The following FIGN variants were observed in gnomAD, a reference collection of about 807,000 sequenced individuals.
FIGN encodes the protein fidgetin, microtubule severing factor, also known as fidgetin.
FIGN carries 11 observed loss-of-function variants against 51.3 expected under a neutral mutation model. The observed-to-expected ratio is 0.21, with a 90% CI of 0.13 to 0.35. The LOEUF (loss-of-function observed/expected upper bound fraction) is 0.35, where lower values mean the gene tolerates loss of function less well. Among genes scored for constraint, FIGN ranks in the 10% least tolerant of loss-of-function variants. The pLI, the probability that FIGN is intolerant of heterozygous loss-of-function variation, is 1.00. For synonymous variants in FIGN, 407 were observed against 363.2 expected (o/e 1.12, Z -1.37); for missense variants, 857 against 943.6 (o/e 0.91, Z 1.20).
intron 2 of FIGN, among the ~76,000 whole-genome samples, chr2:163,653,860 CTT>C (rs1683517208): frequency 6.6e-6 from 1 of 152,006 alleles, no homozygotes; most frequent in Non-Finnish European, 1.5e-5. Flanking sequence ...TTTAGAGACA[CTT>C]AAAAATTTTT....
intron 2 of FIGN, among the ~76,000 whole-genome samples, chr2:163,641,695 A>AGCAAATGCCATG (rs565841926): frequency 6.6e-6 from 1 of 152,206 alleles, no homozygotes; most frequent in Non-Finnish European, 1.5e-5. Flanking sequence ...TTGCAATGGC[A>AGCAAATGCCATG]GCAAATGCCA....
At chr2:163,713,477 G>A (rs1043121660) in intron 2 of FIGN, among the ~76,000 whole-genome samples, 1 of 151,884 alleles carries the variant, frequency 6.6e-6, no homozygotes. Flanking sequence ...CACAGAGCCT[G>A]CCTCTGGTTA....
In FIGN at chr2:163,611,541, T is replaced by G. The variant is rs377003751; in HGVS notation, c.291A>C (p.Gly97=). 1.2e-5 allele frequency: 20 copies of G among 1,614,102 alleles called. No homozygotes were observed. The African/African-American group carries it at 2.7e-4, about 22-fold the overall frequency. ...TTTCATTTTTCCGACCGTTCACTAGTCCTGATGGTGTGTCCGAATAGTTGC... is the reference window on the plus strand; with the variant it reads ...TTTCATTTTTCCGACCGTTCACTAGGCCTGATGGTGTGTCCGAATAGTTGC... The part of the protein sequence containing the change: ...VLSNYSDTPS[G]LVNGRKNESE... Residue 97 remains glycine, a synonymous_variant, in exon 3 of 3, where the codon GGA becomes GGC. Coordinates refer to ENST00000333129, the MANE Select transcript of FIGN (RefSeq NM_018086.4).
intron 2 of FIGN, among the ~76,000 whole-genome samples, chr2:163,732,508 A>G (rs901822773): frequency 6.6e-6 from 1 of 152,178 alleles, no homozygotes; most frequent in Admixed American, 6.5e-5. Flanking sequence ...CCTTTTGAAC[A>G]ATCTGTGTTC....
intron 2 of FIGN, among the ~76,000 whole-genome samples, chr2:163,657,542 G>A (rs1217846106): frequency 6.7e-6 from 1 of 149,898 alleles, no homozygotes; most frequent in East Asian, 2.0e-4. Context: ...GCATGCACAT[G>A]AGTATGTTTG....
At position 163,609,018 on chromosome 2, in the gene FIGN, A is replaced by G. The variant is rs1691169326; in HGVS notation, c.*534T>C. On this transcript the variant is annotated 3_prime_UTR_variant, in exon 3 of 3. Transcript: ENST00000333129. ...CCCTGTTTTACCTGTTCTTAGCTTAATACTGCAGAACAGACAGGATTGAGG... is the reference window on the plus strand; with the variant it reads ...CCCTGTTTTACCTGTTCTTAGCTTAGTACTGCAGAACAGACAGGATTGAGG... 1 of 153,642 alleles carries G rather than the reference A, an allele frequency of 6.5e-6. No individual in the cohort carries two copies. The highest frequency in any genetic ancestry group is 1.5e-5 in the Non-Finnish European group (1 of 68,758). 9.5% of individuals were successfully genotyped at this position (153,642 alleles called of 1,614,324 possible). A position where few individuals can be genotyped will look rare whatever the true frequency, so the allele number is the denominator to read the frequency against.
chr2:163,615,299 T>C (rs897817256), intron 2 of FIGN, among the ~76,000 whole-genome samples: 2 of 152,192 alleles, frequency 1.3e-5, no homozygotes, highest in Non-Finnish European at 2.9e-5. Flanking sequence ...AAATCATTAA[T>C]GTTATTTAAA....
At chr2:163,652,361 A>ACAC (rs776188112) in intron 2 of FIGN, among the ~76,000 whole-genome samples, 5,822 of 139,356 alleles carry the variant, frequency 0.042, 238 homozygotes, top group East Asian at 0.1. Flanking sequence ...CACACACACA[A>ACAC]ACACACACAC....
At chr2:163,685,132 T>C (rs1684127483) in intron 2 of FIGN, among the ~76,000 whole-genome samples, 1 of 152,130 alleles carries the variant, frequency 6.6e-6, no homozygotes, top group East Asian at 1.9e-4. Context: ...AGAAGAGTCA[T>C]ATTTCCTATT....
intron 2 of FIGN, among the ~76,000 whole-genome samples, chr2:163,688,155 A>G (rs540638785): frequency 1.3e-5 from 2 of 152,330 alleles, no homozygotes; most frequent in Admixed American, 1.3e-4. Context: ...GAAGAATTTT[A>G]AAACTAATGT....
chr2:163,612,336 A>G (rs1233888180), intron 2 of FIGN: 2 of 985,258 alleles, frequency 2.0e-6, no homozygotes, highest in African/African-American at 3.5e-5. Context: ...TACCTCTCTT[A>G]TTTGGTACTG....
At chr2:163,730,534 G>C (rs1027782031) in intron 2 of FIGN, among the ~76,000 whole-genome samples, 2 of 151,204 alleles carry the variant, frequency 1.3e-5, no homozygotes, top group Non-Finnish European at 2.9e-5. Flanking sequence ...GTGTGTGTGT[G>C]TGTGAATTGA....
At chr2:163,660,716 CATAT>C (rs1412189310) in intron 2 of FIGN, among the ~76,000 whole-genome samples, 1 of 62,974 alleles carries the variant, frequency 1.6e-5, no homozygotes, top group African/African-American at 4.0e-5. Flanking sequence ...TACACATATA[CATAT>C]ATATGTATAC....
intron 2 of FIGN, among the ~76,000 whole-genome samples, chr2:163,733,239 G>A (rs933195834): frequency 1.9e-4 from 29 of 152,032 alleles, no homozygotes; most frequent in South Asian, 4.1e-4. Flanking sequence ...ACTTAAGAGG[G>A]GGGCAATTTA....
intron 2 of FIGN, among the ~76,000 whole-genome samples, chr2:163,655,987 T>C (rs2105324342): frequency 6.6e-6 from 1 of 152,306 alleles, no homozygotes; most frequent in East Asian, 1.9e-4. Context: ...ATTTTAGCAA[T>C]GTCAAGTTAC....
At chr2:163,623,286 T>G (rs1318920499) in intron 2 of FIGN, among the ~76,000 whole-genome samples, 1 of 152,208 alleles carries the variant, frequency 6.6e-6, no homozygotes, top group Non-Finnish European at 1.5e-5. Context: ...CATATTTTTA[T>G]CAAAACTAAG....
chr2:163,685,956 A>G lies in FIGN; in HGVS notation c.25+48947T>C, dbSNP rs551409553. Among the ~76,000 whole-genome samples the G allele has an allele frequency of 5.9e-5, 9 of 152,312 alleles. No individual in the cohort carries two copies. The East Asian group carries it at 1.5e-3, about 26-fold the overall frequency. ...TAAATTTTTAAAGGCAGATTTATAGAAAAAAACACATGTAAAATCTATCAA... is the reference window on the plus strand; with the variant it reads ...TAAATTTTTAAAGGCAGATTTATAGGAAAAAACACATGTAAAATCTATCAA... On this transcript the variant is annotated intron_variant, in intron 2 of 2. Coordinates refer to ENST00000333129, the MANE Select transcript of FIGN (RefSeq NM_018086.4).
Position 163,611,091 on chromosome 2 carries a change from A to G in FIGN, c.741T>C (p.Tyr247=), listed in dbSNP as rs762859002. The change falls in exon 3 of 3, where the codon TAT becomes TAC. Residue 247 remains tyrosine, a synonymous_variant. Transcript: ENST00000333129. ...NGTSNLSSYS[Y]PSASYPPQTA... ...TCTGAGGAGGATAGCTAGCAGACGG[A>G]TAGCTGTAACTGGAGAGGTTAGAAG... The G allele has an allele frequency of 7.4e-6, 12 of 1,613,976 alleles. No individual in the cohort carries two copies. Among genetic ancestry groups the G allele is most frequent in the Admixed American group, 5.0e-5 (3 of 59,996 alleles).
intron 2 of FIGN, among the ~76,000 whole-genome samples, chr2:163,689,032 C>T (rs1442609643): frequency 1.3e-5 from 2 of 151,960 alleles, no homozygotes; most frequent in African/African-American, 4.8e-5. Context: ...TGGTGGCACA[C>T]ACCTGTAGTC....
Sources: gnomAD v4.1 joint callset for allele counts (sites outside exome capture counted in the v4.1 genomes callset) on GRCh38, gnomAD v4.1.1 for gene constraint, MANE v1.5 for transcripts, NCBI Gene and HGNC (gene_info 2026-07-23, HGNC 2026-07-21) for gene names.